SLC12A9: variants seen among roughly 807,000 people sequenced by gnomAD.
SLC12A9 encodes the protein solute carrier family 12 member 9, also known as CCC-interacting protein 1.
SLC12A9 carries 55 observed loss-of-function variants against 66.0 expected under a neutral mutation model. That is an observed-to-expected ratio of 0.83 (90% CI 0.67 to 1.04). The LOEUF is 1.04. Among genes scored for constraint, SLC12A9 ranks in the 50% least tolerant of loss-of-function variants. The pLI, the probability that SLC12A9 is intolerant of heterozygous loss-of-function variation, is 0.00. For missense variants in SLC12A9, 1,061 were observed against 1,241.9 expected, an observed-to-expected ratio of 0.85 and a Z score of 2.19; for synonymous variants, 577 against 569.0, an observed-to-expected ratio of 1.01 and a Z score of -0.20.
At chr7:100,839,715 A>G (rs1813742282) in intron 1 of SLC12A9, among the ~76,000 whole-genome samples, 1 of 152,162 alleles carries the variant, frequency 6.6e-6, no homozygotes. Context: ...TAGAGTCTGG[A>G]CATCTAAAAC....
In SLC12A9 at chr7:100,865,908, A is replaced by T. The variant is rs778829948; in HGVS notation, c.2048A>T (p.Tyr683Phe). The T allele has an allele frequency of 5.0e-6, 8 of 1,612,916 alleles. No homozygotes were observed. Among genetic ancestry groups the T allele is most frequent in the Non-Finnish European group, 6.8e-6 (8 of 1,179,784 alleles). ...CCCCGGGCCCTCAATCCCCAGGACT[A>T]TGTGGCCACGGTGGCCGACGCCCTC... ...GSPRALNPQDYVATVADALKM... is the reference protein window; with the variant it reads ...GSPRALNPQDFVATVADALKM... The change falls in exon 14 of 14, where the codon TAT (tyrosine) becomes TTT (phenylalanine). Residue 683 changes from tyrosine to phenylalanine, a missense_variant. Tyr to Phe is a conservative substitution (Grantham distance 22). Coordinates refer to ENST00000354161, the MANE Select transcript of SLC12A9 (RefSeq NM_020246.4).
At chr7:100,844,049 G>A (rs1813845962) in intron 1 of SLC12A9, among the ~76,000 whole-genome samples, 1 of 152,150 alleles carries the variant, frequency 6.6e-6, no homozygotes, top group African/African-American at 2.4e-5. Context: ...GTCCACGCAT[G>A]GCCGAAGCAT....
intron 3 of SLC12A9, among the ~76,000 whole-genome samples, 190 bp downstream of exon 3, chr7:100,854,944 A>G (rs1814296108): frequency 6.6e-6 from 1 of 152,064 alleles, no homozygotes; most frequent in South Asian, 2.1e-4. Flanking sequence ...TGGGTGGATC[A>G]CTTGAGGCCA....
chr7:100,835,355 TAA>T (rs57845433), intron 1 of SLC12A9, among the ~76,000 whole-genome samples: 3 of 122,782 alleles, frequency 2.4e-5, no homozygotes, highest in Non-Finnish European at 3.4e-5. Context: ...GCTCTGTCTT[TAA>T]AAAAAAAAAA....
rs1449123885 is a variant in SLC12A9 at position 100,859,893 on chromosome 7, T to C, written c.986T>C (p.Leu329Pro). 1.4e-5 allele frequency: 22 copies of C among 1,599,980 alleles called. No individual in the cohort carries two copies. The highest frequency in any genetic ancestry group is 1.9e-5 in the Non-Finnish European group (22 of 1,168,222). ...CTTTTCCTCCTTCCTAGGACCCTGC[T>C]GCAGGAAGACTATGGGTTCTTCCGC... ...LSSFTCDRTLLQEDYGFFRAI... is the reference protein window; with the variant it reads ...LSSFTCDRTLPQEDYGFFRAI... Residue 329 changes from leucine (L) to proline (P), a missense_variant, in exon 8 of 14, where the codon CTG becomes CCG. Coordinates refer to ENST00000354161, the MANE Select transcript of SLC12A9 (RefSeq NM_020246.4).
chr7:100,837,800 A>G (rs1398679202), intron 1 of SLC12A9, among the ~76,000 whole-genome samples: 1 of 151,860 alleles, frequency 6.6e-6, no homozygotes, highest in Non-Finnish European at 1.5e-5. Context: ...TTGGGATTAT[A>G]AACCTGAGCC....
chr7:100,859,983 T>C lies in SLC12A9; in HGVS notation c.1076T>C (p.Met359Thr). 1 of 1,613,426 alleles carries C rather than the reference T, an allele frequency of 6.2e-7. No homozygotes were observed. Among genetic ancestry groups the C allele is most frequent in the Non-Finnish European group, 8.5e-7 (1 of 1,179,376 alleles). The change falls in exon 8 of 14, where the codon ATG becomes ACG. Residue 359 changes from methionine (M) to threonine (T), a missense_variant. Met to Thr is a moderately conservative substitution (Grantham distance 81). Coordinates refer to ENST00000354161, the MANE Select transcript of SLC12A9 (RefSeq NM_020246.4). ...TATGCCACAGCGCTCTCAGCGTCCA[T>C]GAGCTCGCTCATTGGTGCCTCCCGC... ...GIYATALSASMSSLIGASRIL... is the reference protein window; with the variant it reads ...GIYATALSASTSSLIGASRIL...
intron 3 of SLC12A9, 131 bp from the exon 4 acceptor site, chr7:100,855,573 GAT>G: frequency 9.1e-7 from 1 of 1,100,414 alleles, no homozygotes; most frequent in Non-Finnish European, 1.4e-6. Context: ...GCACTCAGAG[GAT>G]ATGAGTGACT....
At chr7:100,847,300 G>T (rs1344180212) in intron 1 of SLC12A9, among the ~76,000 whole-genome samples, 1 of 152,222 alleles carries the variant, frequency 6.6e-6, no homozygotes, top group South Asian at 2.1e-4. Flanking sequence ...GCGCCCAGCC[G>T]GGAGATGCTG....
chr7:100,826,949 G>A (rs552830837), exon 1 of SLC12A9: 35 of 1,523,772 alleles, frequency 2.3e-5, no homozygotes, highest in Non-Finnish European at 2.9e-5. Context: ...AGGAGTGACG[G>A]GGTGCGCCCC....
At chr7:100,852,658 G>GC (rs11408359), upstream of SLC12A9, 152,177 of 152,180 alleles carry the variant, frequency 1, 76,087 homozygotes, top group Non-Finnish European at 1. Context: ...CTCCGGGCGC[G>GC]CCATGGGGCG....
At position 100,861,848 on chromosome 7, in the gene SLC12A9, T is replaced by C; in HGVS notation, c.1648T>C (p.Leu550=). 1 of 1,613,926 alleles carries C rather than the reference T, an allele frequency of 6.2e-7. No homozygotes were observed. The highest frequency in any genetic ancestry group is 8.5e-7 in the Non-Finnish European group (1 of 1,179,946). ...CCGGGGCGCCCTGCCTCTGCTGCGGTTGGCCAACCAGCTTAAGAAGGGGGG... is the reference window on the plus strand; with the variant it reads ...CCGGGGCGCCCTGCCTCTGCTGCGGCTGGCCAACCAGCTTAAGAAGGGGGG... ...NPRGALPLLR[L]ANQLKKGGLY... The change falls in exon 12 of 14, where the codon TTG becomes CTG. Residue 550 remains leucine, a synonymous_variant. Coordinates refer to ENST00000354161, the MANE Select transcript of SLC12A9 (RefSeq NM_020246.4). This position sits in a 1 kb window ranked among gnomAD's most constrained non-coding sequence, Gnocchi z 5.3.
intron 1 of SLC12A9, among the ~76,000 whole-genome samples, chr7:100,833,917 A>C (rs1040216610): frequency 7.4e-6 from 1 of 136,024 alleles, no homozygotes; most frequent in Non-Finnish European, 1.5e-5. Flanking sequence ...TCAGGTACAG[A>C]GCGAGACTCT....
chr7:100,854,317 C>T lies in SLC12A9; in HGVS notation c.120C>T (p.Phe40=). Residue 40 remains phenylalanine (F), a synonymous_variant, in exon 2 of 14, where the codon TTC becomes TTT. Transcript: ENST00000354161. ...CGTCTGCCCGGAAGCTGTCCACCTTCCTGGGTGTGGTGGTGCCCACTGTCC... is the reference window on the plus strand; with the variant it reads ...CGTCTGCCCGGAAGCTGTCCACCTTTCTGGGTGTGGTGGTGCCCACTGTCC... ...GGASARKLST[F]LGVVVPTVLS... is the part of the protein sequence containing the mutation. 1 of 1,608,868 alleles carries T rather than the reference C, an allele frequency of 6.2e-7. No individual in the cohort carries two copies. The highest frequency in any genetic ancestry group is 8.5e-7 in the Non-Finnish European group (1 of 1,178,720).
chr7:100,861,388 G>T lies in SLC12A9; in HGVS notation c.1344-4G>T. On this transcript the variant is annotated splice_region_variant and splice_polypyrimidine_tract_variant and intron_variant, in intron 10 of 13. Coordinates refer to ENST00000354161, the MANE Select transcript of SLC12A9 (RefSeq NM_020246.4). This position sits in a 1 kb window ranked among gnomAD's most constrained non-coding sequence, Gnocchi z 5.3. ...TCTGTCCCTCCTCCCCTCCATGCCC[G>T]CAGCCCCACCTTCAGCCTGTTCTCC... is the stretch of plus-strand genomic sequence containing the variant. The T allele has an allele frequency of 1.2e-6, 2 of 1,612,846 alleles. No individual in the cohort carries two copies. The highest frequency in any genetic ancestry group is 2.2e-5 in the South Asian group (2 of 91,062).
At chr7:100,859,595 T>C (rs1158528238) in intron 7 of SLC12A9, 1 of 421,996 alleles carries the variant, frequency 2.4e-6, no homozygotes, top group East Asian at 4.7e-5. Flanking sequence ...CTTGTAGTCT[T>C]GGCTACTTGG....
In SLC12A9 at chr7:100,859,164, G is replaced by A. The variant is rs1431061920; in HGVS notation, c.977+3G>A. ...CTCTCCAGCTTCACTTGTGACAGGT[G>A]TCTGGGGAGGGATGGGGGTGGAGTG... On this transcript the variant is annotated splice_donor_region_variant and intron_variant, in intron 7 of 13. Transcript: ENST00000354161. 2.5e-6 allele frequency: 4 copies of A among 1,613,372 alleles called. No individual in the cohort carries two copies. Among genetic ancestry groups the A allele is most frequent in the Non-Finnish European group, 3.4e-6 (4 of 1,179,524 alleles).
intron 1 of SLC12A9, among the ~76,000 whole-genome samples, chr7:100,831,553 C>G (rs992148578): frequency 1.3e-5 from 2 of 152,226 alleles, no homozygotes; most frequent in African/African-American, 4.8e-5. Context: ...TCATGGCTCA[C>G]TGCAGCCTTG....
chr7:100,831,878 G>A (rs944228597), intron 1 of SLC12A9, among the ~76,000 whole-genome samples: 2 of 152,124 alleles, frequency 1.3e-5, no homozygotes, highest in African/African-American at 4.8e-5. Flanking sequence ...CCTCTCACCT[G>A]CCTGGCTTCT....
Sources: gnomAD v4.1 joint callset for allele counts (sites outside exome capture counted in the v4.1 genomes callset) on GRCh38, gnomAD v4.1.1 for gene constraint, Gnocchi (gnomAD v3.1) non-coding constraint, MANE v1.5 for transcripts, NCBI Gene and HGNC (gene_info 2026-07-23, HGNC 2026-07-21) for gene names.